Variants in NIBAN1 observed in about 807,000 individuals in gnomAD.
NIBAN1 encodes the protein niban apoptosis regulator 1.
NIBAN1 carries 81 observed loss-of-function variants against 75.1 expected under a neutral mutation model. That is an observed-to-expected ratio of 1.08 (90% CI 0.90 to 1.30). The LOEUF is 1.30. Among genes scored for constraint, NIBAN1 ranks in the 50% most tolerant of loss-of-function variants. The pLI, the probability that NIBAN1 is intolerant of heterozygous loss-of-function variation, is 0.00. For synonymous variants in NIBAN1, 436 were observed against 424.8 expected (o/e 1.03, Z -0.32); for missense variants, 1,133 against 1,128.1 (o/e 1.00, Z -0.06).
At chr1:184,902,362 T>C (rs1656976781) in intron 1 of NIBAN1, among the ~76,000 whole-genome samples, 1 of 152,232 alleles carries the variant, frequency 6.6e-6, no homozygotes, top group Non-Finnish European at 1.5e-5. Context: ...TCTGCTCACA[T>C]GTTAAATGAA....
intron 5 of NIBAN1, among the ~76,000 whole-genome samples, chr1:184,883,251 C>G (rs1001863617): frequency 6.6e-6 from 1 of 152,228 alleles, no homozygotes; most frequent in Non-Finnish European, 1.5e-5. Context: ...AAGTTCGGCA[C>G]TCCTTTCTTC....
In NIBAN1 at chr1:184,823,668, C is replaced by T. The variant is rs371522184; in HGVS notation, c.792G>A (p.Lys264=). ...QTDLLPKMKG[K]KNDRKRTWLG... The stretch of plus-strand genomic sequence containing the variant: ...GCCACGTCCTCTTTCTGTCATTCTT[C>T]TTCCCCTTCATCTTAGGCAGCAGGT... The change falls in exon 7 of 14, where the codon AAG becomes AAA. Residue 264 remains lysine (K), a synonymous_variant. Transcript: ENST00000367511. The T allele has an allele frequency of 1.2e-5, 20 of 1,614,192 alleles. No homozygotes were observed. In the African/African-American group the frequency reaches 2.7e-4, roughly 22 times the overall value.
chr1:184,949,855 C>A (rs534407960), intron 1 of NIBAN1, among the ~76,000 whole-genome samples: 1 of 152,090 alleles, frequency 6.6e-6, no homozygotes, highest in African/African-American at 2.4e-5. Context: ...ATGACAATAT[C>A]CACAGAAAAT....
In NIBAN1 at chr1:184,823,663, T is replaced by C. The variant is rs547029326; in HGVS notation, c.797A>G (p.Asn266Ser). ...DLLPKMKGKK[N>S]DRKRTWLGLL... ...ACCAAGCCACGTCCTCTTTCTGTCA[T>C]TCTTCTTCCCCTTCATCTTAGGCAG... The change falls in exon 7 of 14, where the codon AAT (asparagine) becomes AGT (serine). Residue 266 changes from asparagine (N) to serine (S), a missense_variant. Coordinates refer to ENST00000367511, the MANE Select transcript of NIBAN1 (RefSeq NM_052966.4). 5.6e-6 allele frequency: 9 copies of C among 1,614,086 alleles called. No homozygotes were observed. Among genetic ancestry groups the C allele is most frequent in the Non-Finnish European group, 7.6e-6 (9 of 1,180,024 alleles).
At chr1:184,808,358 G>C (rs529906152) in intron 9 of NIBAN1, 123 bp from the exon 10 acceptor site, 1 of 969,360 alleles carries the variant, frequency 1.0e-6, no homozygotes, top group Non-Finnish European at 1.5e-6. Context: ...TCACTACTTG[G>C]ATCCCTACAT....
intron 5 of NIBAN1, among the ~76,000 whole-genome samples, chr1:184,842,833 G>C (rs1476186832): frequency 2.6e-5 from 4 of 151,822 alleles, no homozygotes; most frequent in Non-Finnish European, 5.9e-5. Context: ...CCTGGAATTG[G>C]ATCCAGGAAT....
chr1:184,940,035 A>G (rs1658050132), intron 1 of NIBAN1, among the ~76,000 whole-genome samples: 1 of 152,206 alleles, frequency 6.6e-6, no homozygotes, highest in Non-Finnish European at 1.5e-5. Flanking sequence ...TCTGAATTTG[A>G]AAGACTTTAG....
At chr1:184,926,494 T>G (rs965274199) in intron 1 of NIBAN1, among the ~76,000 whole-genome samples, 2 of 152,212 alleles carry the variant, frequency 1.3e-5, no homozygotes, top group African/African-American at 4.8e-5. Flanking sequence ...CACCTTGGCC[T>G]CCCAGAGTGC....
chr1:184,796,024 C>T lies in NIBAN1; in HGVS notation c.1740G>A (p.Val580=). 6.2e-7 allele frequency: 1 copy of T among 1,610,098 alleles called. No individual in the cohort carries two copies. The highest frequency in any genetic ancestry group is 8.5e-7 in the Non-Finnish European group (1 of 1,179,260). ...EDNMALPSES[V]SSLTDLKPPT... ...GGGGCTTTAGATCTGTTAAGCTGGA[C>T]ACACTTTCACTGGGCAAGGCCATGT... The change falls in exon 14 of 14, where the codon GTG becomes GTA. Residue 580 remains valine, a synonymous_variant. Transcript: ENST00000367511.
Position 184,791,489 on chromosome 1 carries a change from T to TG in NIBAN1, c.*3487_*3488insC, listed in dbSNP as rs1653694147. 2 of 119,824 alleles carry TG rather than the reference T, an allele frequency of 1.7e-5. No homozygotes were observed. Among genetic ancestry groups the TG allele is most frequent in the African/African-American group, 6.4e-5 (2 of 31,454 alleles). 7.4% of individuals were successfully genotyped at this position (119,824 alleles called of 1,614,324 possible). On this transcript the variant is annotated 3_prime_UTR_variant, in exon 14 of 14. Coordinates refer to ENST00000367511, the MANE Select transcript of NIBAN1 (RefSeq NM_052966.4). ...AATCTTACCCTGGTAGTCTCCAAAA[T>TG]CTTTTTTTTTTTTTTTTAAAGAAAG...
chr1:184,934,807 A>C (rs1178253289), intron 1 of NIBAN1, among the ~76,000 whole-genome samples: 1 of 152,182 alleles, frequency 6.6e-6, no homozygotes, highest in Non-Finnish European at 1.5e-5. Context: ...AGGCAGGAGA[A>C]TCGCTTGAAT....
intron 1 of NIBAN1, among the ~76,000 whole-genome samples, chr1:184,913,442 C>T (rs531314694): frequency 3.3e-5 from 5 of 152,096 alleles, no homozygotes; most frequent in East Asian, 3.9e-4. Flanking sequence ...TATCAGCTCA[C>T]GTACCTGAGC....
intron 3 of NIBAN1, among the ~76,000 whole-genome samples, chr1:184,890,578 A>G (rs1469078218): frequency 2.0e-5 from 3 of 152,208 alleles, no homozygotes; most frequent in African/African-American, 7.2e-5. Context: ...GATAATAACC[A>G]CAAAGGTGAC....
At chr1:184,962,255 G>A (rs551326694) in intron 1 of NIBAN1, among the ~76,000 whole-genome samples, 94 of 152,248 alleles carry the variant, frequency 6.2e-4, no homozygotes, top group African/African-American at 2.2e-3. Context: ...AAAACAGTTT[G>A]TTCAACAGCT....
intron 1 of NIBAN1, among the ~76,000 whole-genome samples, chr1:184,958,364 T>A (rs1371875627): frequency 7.7e-5 from 11 of 142,598 alleles, no homozygotes; most frequent in African/African-American, 1.3e-4. Context: ...GACAGAGGAG[T>A]CACACACACA....
chr1:184,914,865 G>A (rs1226019198), intron 1 of NIBAN1, among the ~76,000 whole-genome samples: 2 of 152,056 alleles, frequency 1.3e-5, no homozygotes, highest in Admixed American at 1.3e-4. Flanking sequence ...TGGGACTACA[G>A]GCACCCGCCA....
At chr1:184,923,706 G>T (rs1475570129) in intron 1 of NIBAN1, among the ~76,000 whole-genome samples, 1 of 152,082 alleles carries the variant, frequency 6.6e-6, no homozygotes, top group Non-Finnish European at 1.5e-5. Flanking sequence ...CATGAACATG[G>T]AATATCTTTC....
intron 3 of NIBAN1, among the ~76,000 whole-genome samples, chr1:184,892,587 A>T (rs1448120123): frequency 6.6e-6 from 1 of 152,070 alleles, no homozygotes. Flanking sequence ...AAATGTTGAA[A>T]AGAGTAAGTC....
intron 1 of NIBAN1, among the ~76,000 whole-genome samples, chr1:184,961,547 G>A (rs1322170899): frequency 6.6e-6 from 1 of 152,272 alleles, no homozygotes; most frequent in Non-Finnish European, 1.5e-5. Context: ...AATCTGTAAT[G>A]TTGGTTACCT....
Sources: allele counts gnomAD v4.1 joint callset (sites outside exome capture counted in the v4.1 genomes callset), GRCh38; gene constraint gnomAD v4.1.1; transcripts MANE v1.5; gene names NCBI Gene and HGNC (gene_info 2026-07-23, HGNC 2026-07-21).